The following DGKI variants were observed in gnomAD, a reference collection of about 807,000 sequenced individuals.
The protein encoded by DGKI is diacylglycerol kinase iota, also known as DAG kinase iota.
Under a neutral mutation model 147.5 loss-of-function variants are expected in DGKI, and 55 were observed. The ratio of observed to expected loss-of-function variants is 0.37; its 90% confidence interval spans 0.30 to 0.47. DGKI has a LOEUF of 0.47. Among genes scored for constraint, DGKI ranks in the 20% least tolerant of loss-of-function variants. DGKI has a pLI of 1.00. For missense variants in DGKI, 1,007 were observed against 1,323.8 expected (o/e 0.76, Z 3.71); for synonymous variants, 469 against 477.1 (o/e 0.98, Z 0.22).
At chr7:137,675,671 C>A (rs1166201818) in intron 3 of DGKI, among the ~76,000 whole-genome samples, 1 of 118,756 alleles carries the variant, frequency 8.4e-6, no homozygotes, top group East Asian at 2.4e-4. Flanking sequence ...GGCAGCCGAG[C>A]AAGACTACAT....
intron 6 of DGKI, among the ~76,000 whole-genome samples, chr7:137,642,673 G>A (rs1821672497): frequency 1.3e-5 from 2 of 152,234 alleles, no homozygotes; most frequent in South Asian, 4.1e-4. Context: ...ATTAAATCAT[G>A]AGTTATCTCA....
At chr7:137,439,973 C>T (rs1194813957) in intron 28 of DGKI, among the ~76,000 whole-genome samples, 1 of 152,150 alleles carries the variant, frequency 6.6e-6, no homozygotes, top group Non-Finnish European at 1.5e-5. Flanking sequence ...ATGACCTGCC[C>T]TGAGTGTGCT....
chr7:137,727,492 G>C (rs1043058923), intron 1 of DGKI, among the ~76,000 whole-genome samples: 2 of 152,080 alleles, frequency 1.3e-5, no homozygotes, highest in African/African-American at 2.4e-5. Context: ...AGAACATTCT[G>C]ATCAAATGCA....
At chr7:137,634,626 C>T (rs1344094378) in intron 6 of DGKI, among the ~76,000 whole-genome samples, 3 of 152,178 alleles carry the variant, frequency 2.0e-5, no homozygotes, top group Non-Finnish European at 4.4e-5. Context: ...ACCAGGGATG[C>T]ATGAGTAGGT....
Position 137,384,804 on chromosome 7 carries a change from A to G in DGKI, c.*6416T>C, listed in dbSNP as rs1811138813. The stretch of plus-strand genomic sequence containing the variant: ...GTGTTTCACTAAAGGTCTGAGGGAA[A>G]AGATAATTTCAGTATTTCCCACTAT... On this transcript the variant is annotated 3_prime_UTR_variant, in exon 33 of 33. Transcript: ENST00000614521. 2 of 152,136 alleles carry G rather than the reference A, an allele frequency of 1.3e-5. No homozygotes were observed. The highest frequency in any genetic ancestry group is 1.3e-4 in the Admixed American group (2 of 15,266). The allele number at this position is 152,136 out of a possible 1,614,324, so 9.4% of individuals were successfully genotyped here. A position where few individuals can be genotyped will look rare whatever the true frequency, so the allele number is the denominator to read the frequency against.
chr7:137,506,185 C>T (rs974036725), intron 21 of DGKI, among the ~76,000 whole-genome samples: 3 of 152,050 alleles, frequency 2.0e-5, no homozygotes, highest in Non-Finnish European at 4.4e-5. Context: ...TTCATAATTG[C>T]CAAAACTTGT....
At chr7:137,585,687 T>C (rs949330779) in intron 13 of DGKI, among the ~76,000 whole-genome samples, 1 of 152,036 alleles carries the variant, frequency 6.6e-6, no homozygotes, top group African/African-American at 2.4e-5. Flanking sequence ...CTGGAGGAAT[T>C]TGGGGGAAAC....
At chr7:137,650,325 T>C (rs1388125701) in intron 5 of DGKI, among the ~76,000 whole-genome samples, 2 of 152,148 alleles carry the variant, frequency 1.3e-5, no homozygotes, top group Non-Finnish European at 2.9e-5. Flanking sequence ...AGAAGGGAGA[T>C]ATTCTTTAGA....
At chr7:137,561,529 C>T (rs1818420161) in intron 19 of DGKI, among the ~76,000 whole-genome samples, 1 of 152,016 alleles carries the variant, frequency 6.6e-6, no homozygotes, top group African/African-American at 2.4e-5. Context: ...CTATAGTTGA[C>T]AGTAATATCT....
chr7:137,587,966 T>C (rs182969488), intron 12 of DGKI, among the ~76,000 whole-genome samples: 22 of 152,144 alleles, frequency 1.4e-4, no homozygotes, highest in Non-Finnish European at 2.9e-4. Flanking sequence ...ATTAGAAAAA[T>C]TGACCAAAAT....
rs1563125370 is a variant in DGKI, at chr7:137,638,500, ATGTATATATATG to A, written c.804+6960_804+6971del. Among the ~76,000 whole-genome samples, 15 of 119,364 alleles carry A rather than the reference ATGTATATATATG, an allele frequency of 1.3e-4. No individual in the cohort carries two copies. The East Asian group carries it at 3.9e-3, about 31-fold the overall frequency. The allele number at this position is 119,364 out of a possible 152,430, so 78.3% of individuals were successfully genotyped here. A position where few individuals can be genotyped will look rare whatever the true frequency, so the allele number is the denominator to read the frequency against. ...TGTGTATATATATACACACATATATATGTATATATATGTGTGTATATATATACACACACATAT... is the reference window on the plus strand; with the variant it reads ...TGTGTATATATATACACACATATATATGTGTATATATATACACACACATAT... On this transcript the variant is annotated intron_variant, in intron 6 of 32. Transcript: ENST00000614521.
intron 1 of DGKI, among the ~76,000 whole-genome samples, chr7:137,824,996 T>G (rs1210452830): frequency 6.6e-6 from 1 of 152,228 alleles, no homozygotes; most frequent in Non-Finnish European, 1.5e-5. Context: ...TCTTTGCTAT[T>G]GTGAACAGTG....
chr7:137,703,474 G>A (rs1424886759), intron 1 of DGKI, among the ~76,000 whole-genome samples: 1 of 152,226 alleles, frequency 6.6e-6, no homozygotes, highest in Admixed American at 6.5e-5. Context: ...CAAACAGGAA[G>A]TGATGGCCAA....
chr7:137,618,629 G>GA (rs928462843), intron 8 of DGKI, among the ~76,000 whole-genome samples: 5 of 147,264 alleles, frequency 3.4e-5, no homozygotes, highest in South Asian at 2.1e-4. Flanking sequence ...CCAAATTTTA[G>GA]AAAAAAAAAA....
rs961965827 is a variant in DGKI at position 137,438,014 on chromosome 7, T to C, written c.2761+6063A>G. ...CAAGACAATATCTTTATGATTATGC[T>C]TTGAAAGATTTCTTTAAAAAATACC... is the stretch of plus-strand genomic sequence containing the variant. On this transcript the variant is annotated intron_variant, in intron 28 of 32. Coordinates refer to ENST00000614521, the MANE Select transcript of DGKI (RefSeq NM_001321708.2). Among the ~76,000 whole-genome samples the C allele has an allele frequency of 2.0e-5, 3 of 152,130 alleles. No individual in the cohort carries two copies. The East Asian group carries it at 5.8e-4, about 29-fold the overall frequency.
intron 26 of DGKI, among the ~76,000 whole-genome samples, chr7:137,464,256 C>CAAAAAA (rs58290482): frequency 2.1e-5 from 1 of 47,772 alleles, no homozygotes; most frequent in African/African-American, 4.1e-5. Context: ...GACTCCATCT[C>CAAAAAA]AAAAAAAAAA....
At chr7:137,761,896 C>G (rs1283521574) in intron 1 of DGKI, among the ~76,000 whole-genome samples, 1 of 152,218 alleles carries the variant, frequency 6.6e-6, no homozygotes, top group East Asian at 1.9e-4. Flanking sequence ...AGATTCTATC[C>G]CAATAAATGG....
In DGKI at chr7:137,807,264, C is replaced by T. The variant is rs537130136; in HGVS notation, c.401+39198G>A. Among the ~76,000 whole-genome samples the T allele has an allele frequency of 3.3e-5, 5 of 152,342 alleles. No homozygotes were observed. The South Asian group carries it at 8.3e-4, about 25-fold the overall frequency. On this transcript the variant is annotated intron_variant, in intron 1 of 32. Transcript: ENST00000614521. Reference sequence around the variant, plus strand: ...ATATAAGGCATTTCAAAAACCTTCACCCAAGATCCATGTTATTTTAGGTTT... The same window carrying T: ...ATATAAGGCATTTCAAAAACCTTCATCCAAGATCCATGTTATTTTAGGTTT...
intron 21 of DGKI, among the ~76,000 whole-genome samples, chr7:137,489,348 C>G (rs760914434): frequency 6.6e-6 from 1 of 152,120 alleles, no homozygotes; most frequent in Non-Finnish European, 1.5e-5. Flanking sequence ...AAGCAAAAGA[C>G]AGTCAGTAGA....
Sources: allele counts gnomAD v4.1 joint callset (sites outside exome capture counted in the v4.1 genomes callset), GRCh38; gene constraint gnomAD v4.1.1; transcripts MANE v1.5; gene names NCBI Gene and HGNC (gene_info 2026-07-23, HGNC 2026-07-21).